Variants in PRR23E observed in about 807,000 individuals in gnomAD.
PRR23E encodes the protein PRR23 family member E.
chr3:127,197,325 C>T, the PRR23E span: 1 of 1,598,012 alleles, frequency 6.3e-7, no homozygotes, highest in South Asian at 1.1e-5. Flanking sequence ...GCCCCCTTCC[C>T]CCATTGAAGA....
chr3:127,197,564 C>T, the PRR23E span: 1 of 502,226 alleles, frequency 2.0e-6, no homozygotes, highest in East Asian at 3.5e-5. Flanking sequence ...TCATGCAAGG[C>T]CCCTCTATTT....
the PRR23E span, among the ~76,000 whole-genome samples, chr3:127,194,726 G>C: frequency 1.3e-5 from 2 of 152,116 alleles, no homozygotes; most frequent in Non-Finnish European, 2.9e-5. Flanking sequence ...TCTATCCTAC[G>C]GGCATCTCAG....
the PRR23E span, chr3:127,197,357 C>T: frequency 1.1e-5 from 17 of 1,586,704 alleles, no homozygotes; most frequent in Non-Finnish European, 1.4e-5. Context: ...ACCCGGGCTG[C>T]TCCCGCTCCT....
At chr3:127,196,823 C>G in the PRR23E span, 1 of 1,598,766 alleles carries the variant, frequency 6.3e-7, no homozygotes, top group East Asian at 2.2e-5. Flanking sequence ...CCTGTACCTG[C>G]TTGGGAGCCC....
At chr3:127,197,351 G>A in the PRR23E span, 56 of 1,591,630 alleles carry the variant, frequency 3.5e-5, 1 homozygote, top group Non-Finnish European at 4.3e-5. Flanking sequence ...AGCTGGACCC[G>A]GGCTGCTCCC....
the PRR23E span, chr3:127,197,242 C>G: frequency 6.3e-7 from 1 of 1,599,176 alleles, no homozygotes; most frequent in African/African-American, 1.3e-5. Context: ...TGCAAAGCCC[C>G]TCCCTCAGAA....
At chr3:127,195,984 T>C in the PRR23E span, among the ~76,000 whole-genome samples, 1 of 152,180 alleles carries the variant, frequency 6.6e-6, no homozygotes, top group East Asian at 1.9e-4. Context: ...TTCTCTTCCT[T>C]TCCATCATGT....
the PRR23E span, among the ~76,000 whole-genome samples, chr3:127,196,245 G>C: frequency 3.9e-5 from 6 of 152,194 alleles, no homozygotes; most frequent in Admixed American, 3.9e-4. Flanking sequence ...TGTCAGCTTA[G>C]GGGCTTTGCT....
chr3:127,197,430 C>A, the PRR23E span: 2 of 1,489,504 alleles, frequency 1.3e-6, no homozygotes, highest in East Asian at 4.7e-5. Flanking sequence ...CCTCTAGACC[C>A]AGACCCACCC....
At chr3:127,195,339 C>T in the PRR23E span, among the ~76,000 whole-genome samples, 1 of 152,284 alleles carries the variant, frequency 6.6e-6, no homozygotes, top group South Asian at 2.1e-4. Flanking sequence ...TCTAGAGAGG[C>T]TCCTGAAACA....
chr3:127,197,557 T>C, the PRR23E span: 1 of 540,168 alleles, frequency 1.9e-6, no homozygotes, highest in Non-Finnish European at 2.9e-6. Flanking sequence ...CCTGGACTCA[T>C]GCAAGGCCCC....
chr3:127,197,395 G>T, the PRR23E span: 6 of 1,556,974 alleles, frequency 3.9e-6, no homozygotes, highest in East Asian at 2.3e-5. Context: ...AGGGCCCGCC[G>T]CCGCCTCTTT....
the PRR23E span, among the ~76,000 whole-genome samples, chr3:127,194,089 AT>A: frequency 3.3e-5 from 5 of 151,928 alleles, no homozygotes; most frequent in South Asian, 2.1e-4. Context: ...ATTTTGTGGC[AT>A]TTTTTTTAAC....
chr3:127,197,286 C>T, the PRR23E span: 3 of 1,599,412 alleles, frequency 1.9e-6, no homozygotes, highest in Admixed American at 3.3e-5. Context: ...GGCACCTTTG[C>T]CCTGCTGCAG....
At chr3:127,194,958 G>A in the PRR23E span, among the ~76,000 whole-genome samples, 1 of 152,108 alleles carries the variant, frequency 6.6e-6, no homozygotes, top group African/African-American at 2.4e-5. Flanking sequence ...CCTTGCCCAC[G>A]TTTCCATCTC....
the PRR23E span, chr3:127,196,775 C>T: frequency 3.1e-6 from 5 of 1,597,082 alleles, no homozygotes; most frequent in Admixed American, 1.7e-5. Context: ...CTCTGGCAGC[C>T]TCAACCCCCT....
the PRR23E span, chr3:127,196,519 C>T: frequency 9.2e-7 from 1 of 1,089,394 alleles, no homozygotes; most frequent in Non-Finnish European, 1.3e-6. Flanking sequence ...CCCCAGCTGT[C>T]CCCCTCCTCC....
At chr3:127,197,167 C>T in the PRR23E span, 36 of 1,590,714 alleles carry the variant, frequency 2.3e-5, no homozygotes, top group Non-Finnish European at 3.1e-5. Context: ...TGCTGGACTC[C>T]AGCCAGCTCA....
At chr3:127,193,222 C>T in the PRR23E span, 1 of 152,324 alleles carries the variant, frequency 6.6e-6, no homozygotes, top group Non-Finnish European at 1.5e-5. Flanking sequence ...GTTGACAAAC[C>T]TCAACCACTT....
Sources: gnomAD v4.1 joint callset for allele counts (sites outside exome capture counted in the v4.1 genomes callset) on GRCh38, gnomAD v4.1.1 for gene constraint, MANE v1.5 for transcripts, NCBI Gene and HGNC (gene_info 2026-07-23, HGNC 2026-07-21) for gene names.